The following SELENOF variants were observed in gnomAD, a reference collection of about 807,000 sequenced individuals.
SELENOF encodes the protein selenoprotein F.
In SELENOF, 16 loss-of-function variants were observed where a neutral mutation model predicts 20.5. That is an observed-to-expected ratio of 0.78 (90% confidence interval 0.53 to 1.19). The LOEUF is 1.19. SELENOF is among the 50% of genes most tolerant of loss of function. SELENOF has a pLI of 0.00. For missense variants in SELENOF, 215 were observed against 194.2 expected (o/e 1.11, Z -0.64); for synonymous variants, 78 against 74.5 (o/e 1.05, Z -0.24).
chr1:86,896,053 C>T (rs1267560967), intron 2 of SELENOF, among the ~76,000 whole-genome samples: 1 of 152,104 alleles, frequency 6.6e-6, no homozygotes, highest in Non-Finnish European at 1.5e-5. Context: ...CATGGTGAAA[C>T]CCCATCTCTA....
chr1:86,872,771 G>C (rs1193149608), intron 3 of SELENOF, among the ~76,000 whole-genome samples: 1 of 152,032 alleles, frequency 6.6e-6, no homozygotes, highest in African/African-American at 2.4e-5. Context: ...GGCCCGGCGT[G>C]GTAGCTCACG....
At chr1:86,867,659 G>A (rs1464224006) in intron 4 of SELENOF, among the ~76,000 whole-genome samples, 1 of 151,982 alleles carries the variant, frequency 6.6e-6, no homozygotes, top group Non-Finnish European at 1.5e-5. Context: ...TTATGCATTT[G>A]GCAAAACTCC....
intron 2 of SELENOF, among the ~76,000 whole-genome samples, chr1:86,899,046 A>G (rs1333091108): frequency 6.6e-6 from 1 of 151,902 alleles, no homozygotes; most frequent in Non-Finnish European, 1.5e-5. Context: ...ACCGCCCTTA[A>G]TCCATTTAAC....
chr1:86,872,675 C>G (rs1437027552), intron 3 of SELENOF, among the ~76,000 whole-genome samples: 2 of 151,756 alleles, frequency 1.3e-5, no homozygotes, highest in Admixed American at 6.6e-5. Context: ...GCCACGAATG[C>G]GGGCAGATCA....
At chr1:86,870,069 C>T (rs2102072059) in intron 3 of SELENOF, among the ~76,000 whole-genome samples, 1 of 152,234 alleles carries the variant, frequency 6.6e-6, no homozygotes, top group African/African-American at 2.4e-5. Context: ...CACTGTAATA[C>T]ATTTTTCTAA....
intron 3 of SELENOF, among the ~76,000 whole-genome samples, chr1:86,878,793 G>C (rs1182933431): frequency 6.6e-6 from 1 of 152,154 alleles, no homozygotes; most frequent in Non-Finnish European, 1.5e-5. Context: ...ATATCTTTAA[G>C]ATGGAAATTC....
At chr1:86,909,966 G>T (rs918319258) in intron 1 of SELENOF, among the ~76,000 whole-genome samples, 6 of 152,172 alleles carry the variant, frequency 3.9e-5, no homozygotes. Flanking sequence ...TTCATCCCGG[G>T]TGACAATGCG....
chr1:86,873,206 G>C (rs542803243), intron 3 of SELENOF, among the ~76,000 whole-genome samples: 13 of 151,554 alleles, frequency 8.6e-5, no homozygotes, highest in African/African-American at 3.1e-4. Context: ...GCAGTGAGCC[G>C]AGATCCCGCC....
At chr1:86,868,887 T>C (rs1658680992) in intron 3 of SELENOF, among the ~76,000 whole-genome samples, 1 of 151,840 alleles carries the variant, frequency 6.6e-6, no homozygotes, top group Non-Finnish European at 1.5e-5. Flanking sequence ...AATGATAAAC[T>C]GAAGAAAATT....
At chr1:86,890,154 CTGATT>C (rs1185557960) in intron 2 of SELENOF, among the ~76,000 whole-genome samples, 2 of 152,186 alleles carry the variant, frequency 1.3e-5, no homozygotes, top group African/African-American at 4.8e-5. Flanking sequence ...ACCCAGCTAT[CTGATT>C]TATCTTAGAT....
At chr1:86,911,804 G>A (rs1256361256) in intron 1 of SELENOF, among the ~76,000 whole-genome samples, 1 of 145,376 alleles carries the variant, frequency 6.9e-6, no homozygotes, top group Non-Finnish European at 1.5e-5. Context: ...TTTTTTTTGA[G>A]ACAGAGTCCT....
chr1:86,913,567 T>TA (rs773167939), intron 1 of SELENOF, among the ~76,000 whole-genome samples: 1 of 152,170 alleles, frequency 6.6e-6, no homozygotes, highest in Non-Finnish European at 1.5e-5. Flanking sequence ...GTTAAGAGAC[T>TA]AACAGAAGTA....
intron 1 of SELENOF, among the ~76,000 whole-genome samples, chr1:86,907,094 T>C (rs1057168347): frequency 2.6e-5 from 4 of 152,216 alleles, no homozygotes; most frequent in Non-Finnish European, 5.9e-5. Context: ...TATTTCAAAG[T>C]CTTAACACAC....
intron 3 of SELENOF, among the ~76,000 whole-genome samples, chr1:86,876,443 C>G (rs1256935968): frequency 5.3e-5 from 8 of 152,150 alleles, no homozygotes; most frequent in Non-Finnish European, 1.2e-4. Flanking sequence ...GAAATATAGA[C>G]TCTCAGGACC....
chr1:86,876,677 C>T (rs919731478), intron 3 of SELENOF, among the ~76,000 whole-genome samples: 5 of 152,288 alleles, frequency 3.3e-5, no homozygotes, highest in South Asian at 4.1e-4. Flanking sequence ...GGACACCATT[C>T]GGTAGAGTCA....
chr1:86,900,481 G>A (rs1377981640), intron 2 of SELENOF, among the ~76,000 whole-genome samples: 1 of 152,188 alleles, frequency 6.6e-6, no homozygotes, highest in East Asian at 1.9e-4. Flanking sequence ...GCAGGCACTC[G>A]GCAGGCTGAG....
chr1:86,878,454 C>A (rs1315210204), intron 3 of SELENOF, among the ~76,000 whole-genome samples: 1 of 152,082 alleles, frequency 6.6e-6, no homozygotes, highest in Non-Finnish European at 1.5e-5. Flanking sequence ...CCAAGGCAGG[C>A]GGATCACCTG....
chr1:86,897,210 C>T (rs1041362571), intron 2 of SELENOF, among the ~76,000 whole-genome samples: 2 of 151,992 alleles, frequency 1.3e-5, no homozygotes, highest in African/African-American at 4.8e-5. Flanking sequence ...TCTCTTGAAC[C>T]CAGAAGGTGG....
intron 2 of SELENOF, among the ~76,000 whole-genome samples, chr1:86,900,460 C>T (rs1329942395): frequency 9.2e-5 from 14 of 152,324 alleles, no homozygotes; most frequent in South Asian, 2.1e-4. Flanking sequence ...TGGCGGCACG[C>T]GCCTGCAATC....
Sources: allele counts gnomAD v4.1 joint callset (sites outside exome capture counted in the v4.1 genomes callset), GRCh38; gene constraint gnomAD v4.1.1; transcripts MANE v1.5; gene names NCBI Gene and HGNC (gene_info 2026-07-23, HGNC 2026-07-21).